The following DYRK1A variants were observed in gnomAD, a reference collection of about 807,000 sequenced individuals.
DYRK1A encodes dual specificity tyrosine-phosphorylation-regulated kinase 1A.
DYRK1A carries 9 observed loss-of-function variants against 79.7 expected under a neutral mutation model. The ratio of observed to expected loss-of-function variants is 0.11; its 90% CI spans 0.07 to 0.20. DYRK1A has a LOEUF of 0.20. DYRK1A is among the 10% of genes least tolerant of loss of function. The probability of loss-of-function intolerance (pLI) is 1.00; values close to 1 mark genes in which losing one functional copy is unlikely to be tolerated. For missense variants in DYRK1A, 622 were observed against 956.0 expected (o/e 0.65, Z 4.61); for synonymous variants, 349 against 329.7 (o/e 1.06, Z -0.63).
chr21:37,417,275 C>T (rs1311501229), intron 1 of DYRK1A, among the ~76,000 whole-genome samples: 1 of 152,030 alleles, frequency 6.6e-6, no homozygotes, highest in African/African-American at 2.4e-5. Context: ...ACTGCAGCCT[C>T]CGCCTCCTGA....
At position 37,420,326 on chromosome 21, in the gene DYRK1A, C is replaced by G; in HGVS notation, c.-49C>G. On this transcript the variant is annotated 5_prime_UTR_variant, in exon 2 of 12. Coordinates refer to ENST00000647188, the MANE Select transcript of DYRK1A (RefSeq NM_001347721.2). ...TTATAGTTTTGCCGCTGGACTCTTCCCTCCCTTCCCCCACCCCATCAGGAT... is the reference window on the plus strand; with the variant it reads ...TTATAGTTTTGCCGCTGGACTCTTCGCTCCCTTCCCCCACCCCATCAGGAT... The G allele has an allele frequency of 6.3e-7, 1 of 1,599,292 alleles. No homozygotes were observed. Among genetic ancestry groups the G allele is most frequent in the South Asian group, 1.1e-5 (1 of 90,238 alleles).
At chr21:37,509,111 C>T (rs899772686) in intron 11 of DYRK1A, among the ~76,000 whole-genome samples, 11 of 152,176 alleles carry the variant, frequency 7.2e-5, no homozygotes, top group African/African-American at 2.7e-4. Context: ...GGGAATTCAG[C>T]GAAAGGTTTT....
rs917335273 is a variant in DYRK1A at position 37,496,340 on chromosome 21, C to G, written c.1212+82C>G. 8.5e-6 allele frequency: 12 copies of G among 1,405,258 alleles called. No individual in the cohort carries two copies. In the Admixed American group the frequency reaches 2.8e-4, roughly 32 times the overall value. 87.0% of individuals were successfully genotyped at this position (1,405,258 alleles called of 1,614,324 possible). On this transcript the variant is annotated intron_variant, in intron 9 of 11. Coordinates refer to ENST00000647188, the MANE Select transcript of DYRK1A (RefSeq NM_001347721.2). ...CTTTTTATAGCTCATTTTGCATTTA[C>G]TTGAAATCAGTGTGTTTCAGTTAAC...
chr21:37,379,545 AATT>A (rs1214918507), intron 1 of DYRK1A, among the ~76,000 whole-genome samples: 1 of 152,168 alleles, frequency 6.6e-6, no homozygotes, highest in Non-Finnish European at 1.5e-5. Context: ...CTGAAGATAG[AATT>A]ATTATTGTAG....
intron 9 of DYRK1A, chr21:37,502,452 A>G (rs1332580120): frequency 2.0e-5 from 3 of 151,898 alleles, no homozygotes; most frequent in Non-Finnish European, 4.4e-5. Flanking sequence ...TCCTTTTATA[A>G]TATGCACGTT....
At chr21:37,477,195 T>C (rs2052430133) in intron 3 of DYRK1A, among the ~76,000 whole-genome samples, 1 of 152,176 alleles carries the variant, frequency 6.6e-6, no homozygotes, top group Admixed American at 6.5e-5. Context: ...GCCCCTCCGA[T>C]TGACCCGAGT....
At chr21:37,465,640 C>T (rs1035331517) in intron 2 of DYRK1A, among the ~76,000 whole-genome samples, 22 of 152,078 alleles carry the variant, frequency 1.4e-4, no homozygotes, top group African/African-American at 5.3e-4. Context: ...AGTTCAAGAC[C>T]AGCCTGGCCA....
intron 1 of DYRK1A, among the ~76,000 whole-genome samples, chr21:37,403,661 A>G (rs74816108): frequency 0.022 from 2,439 of 113,112 alleles, 42 homozygotes; most frequent in African/African-American, 0.041. Flanking sequence ...ATATATATAT[A>G]TATGTGTGTG....
chr21:37,435,756 A>AAAATGTTGCAAGCTTTTGGGCAGAATTT, intron 2 of DYRK1A, among the ~76,000 whole-genome samples: 1 of 152,340 alleles, frequency 6.6e-6, no homozygotes, highest in East Asian at 1.9e-4. Flanking sequence ...TGTATTTAAT[A>AAAATGTTGCAAGCTTTTGGGCAGAATTT]AAATGTTGCA....
chr21:37,465,839 A>G (rs565192678), intron 2 of DYRK1A, among the ~76,000 whole-genome samples: 6 of 149,384 alleles, frequency 4.0e-5, no homozygotes, highest in Middle Eastern at 3.5e-3. Flanking sequence ...TCTGTCTCAG[A>G]AAAAAAAAAG....
rs759773862 is a variant in DYRK1A at position 37,512,596 on chromosome 21, CAA to C, written c.*67_*68del. 87 of 1,557,582 alleles carry C rather than the reference CAA, an allele frequency of 5.6e-5. No individual in the cohort carries two copies. The highest frequency in any genetic ancestry group is 7.0e-5 in the Non-Finnish European group (80 of 1,147,574). On this transcript the variant is annotated 3_prime_UTR_variant, in exon 12 of 12. Transcript: ENST00000647188. ...AGAAGTGGTGTTTTTTTTCCAAAAA[CAA>C]AGTGCAAAGCTGCTTGAATCAGGAG...
intron 2 of DYRK1A, among the ~76,000 whole-genome samples, chr21:37,430,114 C>T (rs2148451170): frequency 6.6e-6 from 1 of 152,286 alleles, no homozygotes; most frequent in East Asian, 1.9e-4. Context: ...GACAGTTTCT[C>T]TTGATTTCTC....
At chr21:37,434,153 C>T (rs758854864) in intron 2 of DYRK1A, among the ~76,000 whole-genome samples, 1 of 152,164 alleles carries the variant, frequency 6.6e-6, no homozygotes, top group Non-Finnish European at 1.5e-5. Context: ...GACCAGCATG[C>T]TCTTCTCTTG....
At chr21:37,477,439 G>A (rs1482474106) in intron 3 of DYRK1A, among the ~76,000 whole-genome samples, 2 of 152,160 alleles carry the variant, frequency 1.3e-5, no homozygotes, top group Non-Finnish European at 2.9e-5. Flanking sequence ...GATCATTGAT[G>A]CTAGCCACAG....
In DYRK1A at chr21:37,399,423, G is replaced by A. The variant is rs148817927; in HGVS notation, c.-76-20876G>A. ...GAGGATGCAGGCAGGGAAAGAGTGC[G>A]GGAACCATTCCTGCAGAGTTTGTGG... On this transcript the variant is annotated intron_variant, in intron 1 of 11. Coordinates refer to ENST00000647188, the MANE Select transcript of DYRK1A (RefSeq NM_001347721.2). Among the ~76,000 whole-genome samples, 9 of 151,798 alleles carry A rather than the reference G, an allele frequency of 5.9e-5. No homozygotes were observed. In the East Asian group the frequency reaches 9.7e-4, roughly 16 times the overall value.
intron 5 of DYRK1A, among the ~76,000 whole-genome samples, chr21:37,484,618 G>A (rs2052786753): frequency 6.6e-6 from 1 of 152,098 alleles, no homozygotes; most frequent in African/African-American, 2.4e-5. Context: ...GGCATGAGCT[G>A]CTGTACAGGG....
At chr21:37,506,024 T>C (rs1601318434) in intron 10 of DYRK1A, 75 bp from the exon 11 acceptor site, 2 of 1,504,734 alleles carry the variant, frequency 1.3e-6, no homozygotes, top group Non-Finnish European at 1.8e-6. Context: ...TTTAATGGTA[T>C]AGCTTCAGAG....
At chr21:37,366,724 G>A (rs1403120140), upstream of DYRK1A, among the ~76,000 whole-genome samples, 1 of 151,978 alleles carries the variant, frequency 6.6e-6, no homozygotes, top group African/African-American at 2.4e-5. Flanking sequence ...GGAGGAGGAC[G>A]TCAGCACGTC....
At chr21:37,498,444 T>C (rs1440612072) in intron 9 of DYRK1A, among the ~76,000 whole-genome samples, 2 of 152,200 alleles carry the variant, frequency 1.3e-5, no homozygotes, top group African/African-American at 2.4e-5. Context: ...TGGAGCCTTA[T>C]AGTATTTATT....
Sources: allele counts gnomAD v4.1 joint callset (sites outside exome capture counted in the v4.1 genomes callset), GRCh38; gene constraint gnomAD v4.1.1; transcripts MANE v1.5; gene names NCBI Gene and HGNC (gene_info 2026-07-23, HGNC 2026-07-21).